STARD13: variants seen among roughly 807,000 people sequenced by gnomAD.
The protein encoded by STARD13 is stAR-related lipid transfer protein 13.
Under a neutral mutation model 106.4 loss-of-function variants are expected in STARD13, and 62 were observed. The ratio of observed to expected loss-of-function variants is 0.58; its 90% CI spans 0.48 to 0.72. The LOEUF (loss-of-function observed/expected upper bound fraction) is 0.72. Ranked by LOEUF, STARD13 falls within the 30% of genes least tolerant of loss-of-function variation. The pLI is 0.00. For missense variants in STARD13, 1,387 were observed against 1,424.0 expected, an observed-to-expected ratio of 0.97 and a Z score of 0.42; for synonymous variants, 565 against 553.0, an observed-to-expected ratio of 1.02 and a Z score of -0.31.
At chr13:33,113,526 G>C (rs759157680) in intron 8 of STARD13, 2 of 514,254 alleles carry the variant, frequency 3.9e-6, no homozygotes, top group South Asian at 2.9e-5. Context: ...CTTCTCGAGG[G>C]GAAGCCTGTA....
chr13:33,373,201 G>A, the STARD13 span, among the ~76,000 whole-genome samples: 4 of 152,064 alleles, frequency 2.6e-5, no homozygotes, highest in African/African-American at 9.7e-5. Flanking sequence ...GACAATGATG[G>A]GGCATTGTCA....
At chr13:33,216,437 A>T (rs1269626019) in intron 1 of STARD13, among the ~76,000 whole-genome samples, 1 of 152,230 alleles carries the variant, frequency 6.6e-6, no homozygotes, top group Non-Finnish European at 1.5e-5. Context: ...ATTAGAGACT[A>T]TTAATCTAAG....
the STARD13 span, among the ~76,000 whole-genome samples, chr13:33,585,118 A>G: frequency 2.6e-5 from 4 of 152,270 alleles, no homozygotes; most frequent in Admixed American, 6.5e-5. Flanking sequence ...AAGGAAAAGA[A>G]GACAAAATAA....
chr13:33,537,577 T>C, the STARD13 span, among the ~76,000 whole-genome samples: 1 of 152,304 alleles, frequency 6.6e-6, no homozygotes, highest in Non-Finnish European at 1.5e-5. Flanking sequence ...CTTTCTACAG[T>C]ACACTCACAG....
At chr13:33,349,721 C>A (rs2138621381) in intron 1 of STARD13, among the ~76,000 whole-genome samples, 1 of 152,346 alleles carries the variant, frequency 6.6e-6, no homozygotes, top group East Asian at 1.9e-4. Flanking sequence ...CTGGCAGGGC[C>A]TGCGGACAGC....
At position 33,285,490 on chromosome 13, in the gene STARD13, A is replaced by C. The variant is rs775296245; in HGVS notation, c.149T>G (p.Leu50Arg). 2.5e-6 allele frequency: 4 copies of C among 1,613,894 alleles called. No individual in the cohort carries two copies. The Admixed American group carries it at 5.0e-5, about 20-fold the overall frequency. ...RMSRILARHQ[L>R]VTKIQQEIEA... ...CTCACCTTGTTGAATTTTAGTCACT[A>C]GCTGATGGCGTGCTAGAATCCGGCT... The change falls in exon 1 of 14, where the codon CTA (leucine) becomes CGA (arginine). Residue 50 changes from leucine to arginine, a missense_variant. By Grantham distance (102) the Leu-to-Arg change is moderately radical. Transcript: ENST00000336934.
chr13:33,554,789 T>C, the STARD13 span, among the ~76,000 whole-genome samples: 1 of 152,146 alleles, frequency 6.6e-6, no homozygotes, highest in Non-Finnish European at 1.5e-5. Context: ...AAGAAAAGGC[T>C]TGGGGCTGCA....
the STARD13 span, among the ~76,000 whole-genome samples, chr13:33,463,869 A>G: frequency 6.6e-6 from 1 of 151,932 alleles, no homozygotes; most frequent in Non-Finnish European, 1.5e-5. Flanking sequence ...AAAATTAGCC[A>G]GGCATGGTGG....
At chr13:33,579,228 A>G in the STARD13 span, among the ~76,000 whole-genome samples, 2 of 152,286 alleles carry the variant, frequency 1.3e-5, no homozygotes, top group South Asian at 2.1e-4. Context: ...ATAGTTCACA[A>G]TTGCAAAGAT....
At chr13:33,395,961 C>T in the STARD13 span, among the ~76,000 whole-genome samples, 1 of 152,166 alleles carries the variant, frequency 6.6e-6, no homozygotes, top group African/African-American at 2.4e-5. Flanking sequence ...CCTGCCTCAG[C>T]CTCCTGAGTA....
the STARD13 span, among the ~76,000 whole-genome samples, chr13:33,407,834 T>G: frequency 1.3e-5 from 2 of 152,220 alleles, no homozygotes; most frequent in Non-Finnish European, 2.9e-5. Context: ...GAGGAACCAT[T>G]GTCAGAAAGC....
chr13:33,240,476 T>C (rs2138244539), intron 1 of STARD13, among the ~76,000 whole-genome samples: 1 of 152,272 alleles, frequency 6.6e-6, no homozygotes, highest in Non-Finnish European at 1.5e-5. Flanking sequence ...TCACTTTGAG[T>C]AGTATAAACA....
intron 1 of STARD13, among the ~76,000 whole-genome samples, chr13:33,209,107 T>C (rs1442383428): frequency 2.0e-5 from 3 of 152,274 alleles, no homozygotes; most frequent in African/African-American, 7.2e-5. Flanking sequence ...AAGGAAAATA[T>C]TGGGGAGTGG....
At chr13:33,528,065 G>C in the STARD13 span, among the ~76,000 whole-genome samples, 3 of 150,088 alleles carry the variant, frequency 2.0e-5, no homozygotes, top group African/African-American at 7.3e-5. Flanking sequence ...TAGTAGATTT[G>C]TCCTATATCT....
chr13:33,569,368 A>C, the STARD13 span, among the ~76,000 whole-genome samples: 8 of 147,832 alleles, frequency 5.4e-5, no homozygotes, highest in Non-Finnish European at 1.5e-5. Flanking sequence ...ACCTTATGTA[A>C]ATTAACAAGA....
chr13:33,661,061 T>C, the STARD13 span, among the ~76,000 whole-genome samples: 28 of 152,358 alleles, frequency 1.8e-4, no homozygotes, highest in Middle Eastern at 6.8e-3. Flanking sequence ...GTTATTTACC[T>C]GGAAATTCAC....
chr13:33,142,244 A>G (rs1879928350), intron 4 of STARD13, 66 bp downstream of exon 4: 3 of 1,223,420 alleles, frequency 2.5e-6, no homozygotes, highest in Non-Finnish European at 3.6e-6. Flanking sequence ...TATGTTGCTC[A>G]GATTGATCTC....
intron 1 of STARD13, among the ~76,000 whole-genome samples, chr13:33,239,817 T>C (rs1374382809): frequency 6.6e-6 from 1 of 152,190 alleles, no homozygotes; most frequent in Admixed American, 6.5e-5. Flanking sequence ...ATGTATGGTT[T>C]GCATATATTT....
At chr13:33,451,298 A>G in the STARD13 span, among the ~76,000 whole-genome samples, 2 of 152,242 alleles carry the variant, frequency 1.3e-5, no homozygotes, top group Non-Finnish European at 2.9e-5. Flanking sequence ...TAATGAGTTG[A>G]GAACAATTTC....
Sources: allele counts gnomAD v4.1 joint callset (sites outside exome capture counted in the v4.1 genomes callset), GRCh38; gene constraint gnomAD v4.1.1; transcripts MANE v1.5; gene names NCBI Gene and HGNC (gene_info 2026-07-23, HGNC 2026-07-21).